Variants in ZFPM2 observed in about 807,000 individuals in gnomAD.
ZFPM2 encodes the protein zinc finger protein ZFPM2.
ZFPM2 carries 20 observed loss-of-function variants against 98.6 expected under a neutral mutation model. That is an observed-to-expected ratio of 0.20 (90% CI 0.14 to 0.29). The LOEUF is 0.29. Among genes scored for constraint, ZFPM2 ranks in the 10% least tolerant of loss-of-function variants. ZFPM2 has a pLI of 1.00. For missense variants in ZFPM2, 1,310 were observed against 1,388.6 expected (o/e 0.94, Z 0.90); for synonymous variants, 518 against 502.7 (o/e 1.03, Z -0.41).
chr8:105,440,939 C>T (rs1246381175), intron 2 of ZFPM2, among the ~76,000 whole-genome samples: 1 of 152,034 alleles, frequency 6.6e-6, no homozygotes, highest in African/African-American at 2.4e-5. Context: ...ATCACGAGGT[C>T]AAGAGATCGC....
chr8:105,630,000 A>G (rs1816727112), intron 4 of ZFPM2, among the ~76,000 whole-genome samples: 1 of 152,180 alleles, frequency 6.6e-6, no homozygotes, highest in Non-Finnish European at 1.5e-5. Context: ...GTAAGGTAGC[A>G]TATGCACAGG....
intron 1 of ZFPM2, among the ~76,000 whole-genome samples, chr8:105,396,847 A>G (rs1811229905): frequency 6.6e-6 from 1 of 152,186 alleles, no homozygotes; most frequent in Non-Finnish European, 1.5e-5. Context: ...GAGCTTGTTC[A>G]TATGATATAA....
chr8:105,782,376 T>G (rs1453401095), intron 5 of ZFPM2: 2 of 152,206 alleles, frequency 1.3e-5, no homozygotes, highest in Non-Finnish European at 2.9e-5. Context: ...AAACTAAACT[T>G]TCTTACTCAC....
At chr8:105,475,131 A>G (rs1251226310) in intron 3 of ZFPM2, among the ~76,000 whole-genome samples, 1 of 152,230 alleles carries the variant, frequency 6.6e-6, no homozygotes, top group South Asian at 2.1e-4. Context: ...AACTTAGAGG[A>G]GTGACAAATT....
chr8:105,364,063 C>T (rs902383195), intron 1 of ZFPM2, among the ~76,000 whole-genome samples: 2 of 151,912 alleles, frequency 1.3e-5, no homozygotes, highest in African/African-American at 4.8e-5. Flanking sequence ...GCCTCAATTC[C>T]TATATAGTGG....
At position 105,684,142 on chromosome 8, in the gene ZFPM2, G is replaced by A. The variant is rs373544446; in HGVS notation, c.532+49785G>A. ...AAGTATATTACGGCTTCCCTGAATAGGGATGTGGCAGGCCACATTTATACA... is the reference window on the plus strand; with the variant it reads ...AAGTATATTACGGCTTCCCTGAATAAGGATGTGGCAGGCCACATTTATACA... On this transcript the variant is annotated intron_variant, in intron 5 of 7. Coordinates refer to ENST00000407775, the MANE Select transcript of ZFPM2 (RefSeq NM_012082.4). 1.7e-3 allele frequency among the ~76,000 whole-genome samples: 254 copies of A among 152,244 alleles called. 2 individuals are homozygous for A. Among genetic ancestry groups the A allele is most frequent in the African/African-American group, 6.0e-3 (249 of 41,542 alleles).
intron 2 of ZFPM2, among the ~76,000 whole-genome samples, chr8:105,423,875 T>C (rs902370517): frequency 3.9e-5 from 6 of 152,184 alleles, no homozygotes; most frequent in African/African-American, 1.4e-4. Context: ...TAATTAATAA[T>C]TGTAAAGTGA....
At chr8:105,579,370 C>G (rs1404964117) in intron 4 of ZFPM2, among the ~76,000 whole-genome samples, 1 of 152,142 alleles carries the variant, frequency 6.6e-6, no homozygotes, top group African/African-American at 2.4e-5. Flanking sequence ...CTGTTCAGAT[C>G]TCCAAATTTC....
At chr8:105,439,894 G>A (rs1812202310) in intron 2 of ZFPM2, among the ~76,000 whole-genome samples, 2 of 152,238 alleles carry the variant, frequency 1.3e-5, no homozygotes, top group Admixed American at 6.5e-5. Flanking sequence ...GTAATCAAAA[G>A]GTCACTCACC....
chr8:105,568,035 T>G (rs1815276197), intron 4 of ZFPM2, among the ~76,000 whole-genome samples: 1 of 152,132 alleles, frequency 6.6e-6, no homozygotes, highest in Non-Finnish European at 1.5e-5. Flanking sequence ...TCTTTTTAAT[T>G]TAACTGTGAG....
In ZFPM2 at chr8:105,788,935, A is replaced by T. The variant is rs1033051150; in HGVS notation, c.739+11A>T. The T allele has an allele frequency of 4.4e-6, 7 of 1,607,576 alleles. No individual in the cohort carries two copies. Among genetic ancestry groups the T allele is most frequent in the Non-Finnish European group, 5.1e-6 (6 of 1,175,172 alleles). On this transcript the variant is annotated intron_variant, in intron 6 of 7. Coordinates refer to ENST00000407775, the MANE Select transcript of ZFPM2 (RefSeq NM_012082.4). Reference sequence around the variant, plus strand: ...CAGCTATTGTCAATAGTAAGTGCTCAGTGCTGTGTAGCCCAGCTTTAGAGG... The same window carrying T: ...CAGCTATTGTCAATAGTAAGTGCTCTGTGCTGTGTAGCCCAGCTTTAGAGG...
intron 5 of ZFPM2, among the ~76,000 whole-genome samples, chr8:105,656,896 G>T (rs890757697): frequency 1.3e-5 from 2 of 152,160 alleles, no homozygotes; most frequent in Non-Finnish European, 2.9e-5. Context: ...AACAAAGAGA[G>T]TTTGGGAATC....
intron 5 of ZFPM2, among the ~76,000 whole-genome samples, chr8:105,768,194 A>G (rs1294915216): frequency 1.3e-5 from 2 of 151,602 alleles, no homozygotes; most frequent in African/African-American, 4.8e-5. Context: ...GTCCTTCATT[A>G]CCATTTGTAG....
chr8:105,375,951 C>A (rs578200779), intron 1 of ZFPM2, among the ~76,000 whole-genome samples: 37 of 152,126 alleles, frequency 2.4e-4, no homozygotes, highest in South Asian at 2.3e-3. Context: ...CTTTCTTAAC[C>A]CCATATACCA....
rs117749462 is a variant in ZFPM2 at position 105,772,989 on chromosome 8, C to T, written c.533-15729C>T. On this transcript the variant is annotated intron_variant, in intron 5 of 7. Coordinates refer to ENST00000407775, the MANE Select transcript of ZFPM2 (RefSeq NM_012082.4). ...TTGGAGGATAGTCTGTAAATTACGA[C>T]GAAGTTGTTTAGTCAGTTAACATAA... Among the ~76,000 whole-genome samples, 106 of 152,228 alleles carry T rather than the reference C, an allele frequency of 7.0e-4. No homozygotes were observed. The East Asian group carries it at 0.019, about 27-fold the overall frequency.
intron 6 of ZFPM2, chr8:105,797,134 T>TATG (rs1174655138): frequency 6.6e-6 from 1 of 152,216 alleles, no homozygotes; most frequent in African/African-American, 2.4e-5. Flanking sequence ...ATGGAGGCAT[T>TATG]ATGGAAGAGT....
chr8:105,436,101 C>T (rs1481588304), intron 2 of ZFPM2, among the ~76,000 whole-genome samples: 2 of 152,084 alleles, frequency 1.3e-5, no homozygotes, highest in Non-Finnish European at 2.9e-5. Flanking sequence ...TTTTTAAGTG[C>T]TCAGTAAGCA....
chr8:105,538,871 C>T (rs1586447036), intron 3 of ZFPM2, among the ~76,000 whole-genome samples: 1 of 152,024 alleles, frequency 6.6e-6, no homozygotes, highest in East Asian at 1.9e-4. Context: ...ATAAATTAGC[C>T]AGGTATGCTA....
intron 4 of ZFPM2, among the ~76,000 whole-genome samples, chr8:105,572,461 A>T (rs1815378597): frequency 6.6e-6 from 1 of 151,804 alleles, no homozygotes; most frequent in African/African-American, 2.4e-5. Context: ...TTAAATATTG[A>T]ATTTAAAGTT....
Sources: allele counts gnomAD v4.1 joint callset (sites outside exome capture counted in the v4.1 genomes callset), GRCh38; gene constraint gnomAD v4.1.1; transcripts MANE v1.5; gene names NCBI Gene and HGNC (gene_info 2026-07-23, HGNC 2026-07-21).